ANKRD30B: variants seen among roughly 807,000 people sequenced by gnomAD.
The protein encoded by ANKRD30B is ankyrin repeat domain 30B, also known as ankyrin repeat domain-containing protein 30B.
Under a neutral mutation model 202.2 loss-of-function variants are expected in ANKRD30B, and 144 were observed. The observed-to-expected ratio is 0.71, with a 90% CI of 0.62 to 0.82. The LOEUF is 0.82. Ranked by LOEUF, ANKRD30B falls within the 40% of genes least tolerant of loss-of-function variation. The probability of loss-of-function intolerance (pLI) is 0.00; values close to 1 mark genes in which losing one functional copy is unlikely to be tolerated. For missense variants in ANKRD30B, 1,487 were observed against 1,669.1 expected, an observed-to-expected ratio of 0.89 and a Z score of 1.90; for synonymous variants, 508 against 561.3, an observed-to-expected ratio of 0.91 and a Z score of 1.34.
At position 14,808,591 on chromosome 18, in the gene ANKRD30B, T is replaced by A. The variant is rs759246422; in HGVS notation, c.2313+12T>A. ...ATGGTCTTCTGAAGGTAATTACTTT[T>A]ATATTTCTATGTTGAATATTAACTA... On this transcript the variant is annotated intron_variant, in intron 25 of 43. Coordinates refer to ENST00000690538, the MANE Select transcript of ANKRD30B (RefSeq NM_001367607.2). The A allele has an allele frequency of 2.4e-5, 38 of 1,570,868 alleles. No individual in the cohort carries two copies. Among genetic ancestry groups the A allele is most frequent in the Non-Finnish European group, 2.9e-5 (33 of 1,146,874 alleles).
intron 30 of ANKRD30B, among the ~76,000 whole-genome samples, chr18:14,815,848 G>C (rs943625896): frequency 7.9e-5 from 12 of 152,080 alleles, no homozygotes; most frequent in Non-Finnish European, 1.5e-5. Flanking sequence ...TCCATGAGTG[G>C]ATCAAGGAAT....
intron 15 of ANKRD30B, among the ~76,000 whole-genome samples, chr18:14,789,078 A>C (rs541144482): frequency 4.0e-4 from 61 of 151,922 alleles, no homozygotes; most frequent in African/African-American, 1.4e-3. Context: ...CTTTTTAATG[A>C]TTGCCATTCT....
At chr18:14,880,621 A>T in the ANKRD30B span, among the ~76,000 whole-genome samples, 14 of 141,594 alleles carry the variant, frequency 9.9e-5, no homozygotes, top group African/African-American at 3.2e-4. Flanking sequence ...GTGGGAGTGC[A>T]ATGGTGTGAT....
chr18:14,796,416 G>A lies in ANKRD30B; in HGVS notation c.1927+1G>A. Reference sequence around the variant, plus strand: ...AAGGACAGAGAAACATTCAAAGCAGGTAAATTTTGTAATTTAACTTTTAAT... The same window carrying A: ...AAGGACAGAGAAACATTCAAAGCAGATAAATTTTGTAATTTAACTTTTAAT... On this transcript the variant is annotated splice_donor_variant, in intron 18 of 43. Transcript: ENST00000690538. LOFTEE classifies it high-confidence loss of function. The A allele has an allele frequency of 6.5e-7, 1 of 1,542,316 alleles. No homozygotes were observed. The highest frequency in any genetic ancestry group is 1.4e-5 in the African/African-American group (1 of 72,630).
At chr18:14,762,940 C>T (rs1915492643) in intron 6 of ANKRD30B, among the ~76,000 whole-genome samples, 2 of 152,022 alleles carry the variant, frequency 1.3e-5, no homozygotes, top group African/African-American at 4.8e-5. Flanking sequence ...TGCATTTTTC[C>T]AACAGAATTT....
intron 30 of ANKRD30B, 81 bp from the exon 31 acceptor site, chr18:14,822,402 T>G (rs1163699730): frequency 5.6e-6 from 5 of 899,248 alleles, no homozygotes; most frequent in South Asian, 1.3e-5. Context: ...AGGATTCATC[T>G]TCATATTCAC....
chr18:14,811,641 AT>A (rs1969930363), intron 28 of ANKRD30B, among the ~76,000 whole-genome samples: 2 of 104,392 alleles, frequency 1.9e-5, no homozygotes, highest in Non-Finnish European at 3.8e-5. Flanking sequence ...AATACATAAA[AT>A]TTTTTTCAAC....
chr18:14,893,020 TACG>T, the ANKRD30B span, among the ~76,000 whole-genome samples: 447 of 152,310 alleles, frequency 2.9e-3, 1 homozygote, highest in Non-Finnish European at 5.0e-3. Context: ...GTAAAGATTC[TACG>T]TTTAGCTGAG....
At chr18:14,882,806 G>A in the ANKRD30B span, among the ~76,000 whole-genome samples, 1 of 151,978 alleles carries the variant, frequency 6.6e-6, no homozygotes, top group African/African-American at 2.4e-5. Flanking sequence ...GTCCATGTAT[G>A]TTTAGGATTG....
intron 39 of ANKRD30B, 86 bp from the exon 40 acceptor site, chr18:14,848,630 G>A: frequency 9.1e-7 from 1 of 1,093,548 alleles, no homozygotes; most frequent in Non-Finnish European, 1.3e-6. Context: ...TTTGTTGAGT[G>A]TATGAGTTAG....
At chr18:14,783,435 T>G (rs1967880003) in intron 12 of ANKRD30B, among the ~76,000 whole-genome samples, 1 of 152,164 alleles carries the variant, frequency 6.6e-6, no homozygotes, top group South Asian at 2.1e-4. Flanking sequence ...TGTTAGCTAT[T>G]CAAGTGAGAT....
chr18:14,821,366 A>T (rs1970412636), intron 30 of ANKRD30B, among the ~76,000 whole-genome samples: 1 of 151,594 alleles, frequency 6.6e-6, no homozygotes. Context: ...TATTTCCTTC[A>T]GTTCTGCTCT....
At chr18:14,879,258 T>C in the ANKRD30B span, among the ~76,000 whole-genome samples, 3 of 151,700 alleles carry the variant, frequency 2.0e-5, no homozygotes, top group African/African-American at 7.3e-5. Context: ...CAAAAGCCCC[T>C]CTGAATCCTG....
At chr18:14,856,444 C>T (rs1469342411), downstream of ANKRD30B, among the ~76,000 whole-genome samples, 2 of 146,384 alleles carry the variant, frequency 1.4e-5, no homozygotes, top group African/African-American at 4.9e-5. Flanking sequence ...AGGCGCTCCT[C>T]AACTGCCAGA....
chr18:14,809,969 T>C lies in ANKRD30B; in HGVS notation c.2387-17T>C. The C allele has an allele frequency of 1.4e-6, 2 of 1,414,100 alleles. No homozygotes were observed. The highest frequency in any genetic ancestry group is 2.0e-6 in the Non-Finnish European group (2 of 1,009,402). The allele number at this position is 1,414,100 out of a possible 1,614,324, so 87.6% of individuals were successfully genotyped here. ...AGGCTTGCATATAATCAATTATATA[T>C]GTCCCTTTTCTTTTAGAGTCTCCTG... On this transcript the variant is annotated splice_polypyrimidine_tract_variant and intron_variant, in intron 26 of 43. Coordinates refer to ENST00000690538, the MANE Select transcript of ANKRD30B (RefSeq NM_001367607.2).
Position 14,749,670 on chromosome 18 carries a change from C to CAAA in ANKRD30B, c.221+1060_221+1062dup, listed in dbSNP as rs55960708. Among the ~76,000 whole-genome samples, 430 of 61,178 alleles carry CAAA rather than the reference C, an allele frequency of 7.0e-3. 16 individuals are homozygous for CAAA. The highest frequency in any genetic ancestry group is 0.029 in the East Asian group (43 of 1,500). 40.1% of individuals were successfully genotyped at this position (61,178 alleles called of 152,430 possible). A position where few individuals can be genotyped will look rare whatever the true frequency, so the allele number is the denominator to read the frequency against. ...TAGGTGACAGAGTGAGACTCTGTCT[C>CAAA]AAAAAAAAAAAAAAAAAAAAAAAAA... is the stretch of plus-strand genomic sequence containing the variant. On this transcript the variant is annotated intron_variant, in intron 1 of 43. Transcript: ENST00000690538.
rs10221409 is a variant in ANKRD30B at position 14,825,553 on chromosome 18, A to G, written c.2744-2725A>G. 4.7e-3 allele frequency among the ~76,000 whole-genome samples: 715 copies of G among 151,900 alleles called. 3 individuals are homozygous for G. Among genetic ancestry groups the G allele is most frequent in the African/African-American group, 0.016 (682 of 41,384 alleles). ...TCCACATTCCCTAGATATTTGCTCT[A>G]TTGCTACCAACTCAAAGTAAAGAAG... On this transcript the variant is annotated intron_variant, in intron 32 of 43. Coordinates refer to ENST00000690538, the MANE Select transcript of ANKRD30B (RefSeq NM_001367607.2).
chr18:14,808,705 A>G lies in ANKRD30B; in HGVS notation c.2347A>G (p.Lys783Glu), dbSNP rs1280237525. ...TCGRKVSLPN[K>E]ALELKDRETL... ...TGGAAGGAAAGTTTCTCTTCCAAAT[A>G]AAGCCTTAGAATTAAAGGACAGAGA... The change falls in exon 26 of 44, where the codon AAA becomes GAA. Residue 783 changes from lysine to glutamate, a missense_variant. Physicochemically the swap from Lys to Glu is moderately conservative, Grantham distance 56. This residue lies in a region of ANKRD30B where 218 missense variants were observed against 320.1 expected (regional missense o/e 0.68). Transcript: ENST00000690538. 2.0e-6 allele frequency: 3 copies of G among 1,523,564 alleles called. No homozygotes were observed. In the African/African-American group the frequency reaches 4.2e-5, roughly 21 times the overall value. The allele number at this position is 1,523,564 out of a possible 1,614,324, so 94.4% of individuals were successfully genotyped here.
chr18:14,881,876 C>G, the ANKRD30B span, among the ~76,000 whole-genome samples: 2 of 151,954 alleles, frequency 1.3e-5, no homozygotes, highest in African/African-American at 2.4e-5. Context: ...TCTAGGTTTT[C>G]TAGTTTATGT....
Sources: allele counts gnomAD v4.1 joint callset (sites outside exome capture counted in the v4.1 genomes callset), GRCh38; gene constraint gnomAD v4.1.1; regional missense constraint gnomAD v4.1.1; transcripts MANE v1.5; gene names NCBI Gene and HGNC (gene_info 2026-07-23, HGNC 2026-07-21).